WWOX: variants seen among roughly 807,000 people sequenced by gnomAD.
WWOX encodes the protein WW domain-containing oxidoreductase.
A neutral mutation model predicts 46.2 loss-of-function variants in WWOX; 69 were observed. That is an observed-to-expected ratio of 1.49 (90% confidence interval 1.23 to 1.82). WWOX has a LOEUF of 1.82. Among genes scored for constraint, WWOX ranks in the 40% most tolerant of loss-of-function variants. The pLI is 0.00. For synonymous variants in WWOX, 359 were observed against 202.6 expected (o/e 1.77, Z -6.56); for missense variants, 919 against 542.6 (o/e 1.69, Z -6.89).
At chr16:78,187,496 G>T (rs1241024410) in intron 5 of WWOX, among the ~76,000 whole-genome samples, 1 of 152,112 alleles carries the variant, frequency 6.6e-6, no homozygotes. Context: ...CCACCTACTT[G>T]GGAGGCTAAG....
At chr16:78,966,571 A>G (rs1028158118) in intron 8 of WWOX, among the ~76,000 whole-genome samples, 1 of 151,934 alleles carries the variant, frequency 6.6e-6, no homozygotes, top group Non-Finnish European at 1.5e-5. Flanking sequence ...AATTTTCCTT[A>G]CTATAAGTAA....
intron 8 of WWOX, among the ~76,000 whole-genome samples, chr16:78,951,273 G>A (rs1379177289): frequency 1.3e-5 from 2 of 152,158 alleles, no homozygotes; most frequent in Non-Finnish European, 2.9e-5. Flanking sequence ...TTGCAGACAT[G>A]GCCAGCATGC....
intron 5 of WWOX, among the ~76,000 whole-genome samples, chr16:78,338,934 C>G (rs2080952481): frequency 8.3e-6 from 1 of 120,892 alleles, no homozygotes; most frequent in South Asian, 2.4e-4. Flanking sequence ...TTCTTCATTT[C>G]TAACTCATTT....
rs182884675 is a variant in WWOX, at chr16:78,869,155, A to G, written c.1057-342453A>G. On this transcript the variant is annotated intron_variant, in intron 8 of 8. Transcript: ENST00000566780. The stretch of plus-strand genomic sequence containing the variant: ...CTAGTATATGTAATTAAAATTGTAT[A>G]TACGTTTTAGTCAACCATCAGCTGA... Among the ~76,000 whole-genome samples, 157 of 152,300 alleles carry G rather than the reference A, an allele frequency of 1.0e-3. 2 individuals carry two copies. The highest frequency in any genetic ancestry group is 1.8e-3 in the Admixed American group (28 of 15,300).
chr16:78,193,358 C>T (rs927907560), intron 5 of WWOX, among the ~76,000 whole-genome samples: 6 of 152,188 alleles, frequency 3.9e-5, no homozygotes, highest in African/African-American at 1.2e-4. Flanking sequence ...TGTTTTATCT[C>T]AAGCTCCCAG....
chr16:78,809,047 C>T (rs2051118339), intron 8 of WWOX, among the ~76,000 whole-genome samples: 3 of 152,082 alleles, frequency 2.0e-5, no homozygotes, highest in Non-Finnish European at 4.4e-5. Flanking sequence ...ATACCAACTG[C>T]AGCTAATGAG....
chr16:78,565,840 C>G (rs1267695550), intron 8 of WWOX, among the ~76,000 whole-genome samples: 1 of 152,162 alleles, frequency 6.6e-6, no homozygotes, highest in Non-Finnish European at 1.5e-5. Context: ...CCTTATGAAG[C>G]TGTCCCAGCT....
intron 8 of WWOX, chr16:79,090,175 G>T (rs372171696): frequency 2.6e-5 from 4 of 152,214 alleles, no homozygotes; most frequent in African/African-American, 2.4e-5. Flanking sequence ...GTTACTGGAA[G>T]GCCCATAAAA....
chr16:78,417,040 G>GGTGTGTGTGTGTGTGTGTGTGT (rs143606762), intron 6 of WWOX, among the ~76,000 whole-genome samples: 4,795 of 151,338 alleles, frequency 0.032, 199 homozygotes, highest in African/African-American at 0.092. Context: ...ACCCTTTGGG[G>GGTGTGTGTGTGTGTGTGTGTGT]GTGTGTGTGT....
intron 8 of WWOX, among the ~76,000 whole-genome samples, chr16:78,836,895 G>GT (rs1227207125): frequency 6.6e-6 from 1 of 152,118 alleles, no homozygotes; most frequent in South Asian, 2.1e-4. Context: ...TTGCGAAGAA[G>GT]TTTTTTCTTT....
chr16:78,501,837 C>A (rs2085077979), intron 8 of WWOX, among the ~76,000 whole-genome samples: 3 of 152,128 alleles, frequency 2.0e-5, no homozygotes. Context: ...ACTAGCGATG[C>A]CCTGGGCTAA....
At chr16:78,833,133 C>T (rs1420657233) in intron 8 of WWOX, among the ~76,000 whole-genome samples, 1 of 151,838 alleles carries the variant, frequency 6.6e-6, no homozygotes, top group Non-Finnish European at 1.5e-5. Flanking sequence ...CCTCCAACTC[C>T]TAGGCTCAAG....
intron 8 of WWOX, among the ~76,000 whole-genome samples, chr16:78,578,569 T>A (rs958816037): frequency 1.3e-5 from 2 of 151,896 alleles, no homozygotes; most frequent in Non-Finnish European, 2.9e-5. Context: ...ATTACAGGCG[T>A]GAGCCACCGC....
chr16:78,248,793 A>G (rs957306178), intron 5 of WWOX, among the ~76,000 whole-genome samples: 4 of 151,850 alleles, frequency 2.6e-5, no homozygotes, highest in African/African-American at 9.7e-5. Context: ...TTCAAACCAT[A>G]TCAATGTGAA....
intron 8 of WWOX, among the ~76,000 whole-genome samples, chr16:78,668,173 G>A (rs950312168): frequency 2.0e-5 from 3 of 152,194 alleles, no homozygotes; most frequent in Admixed American, 6.5e-5. Flanking sequence ...CCAGCTACTC[G>A]GGAGGCTGGG....
intron 5 of WWOX, among the ~76,000 whole-genome samples, chr16:78,180,472 C>T (rs551445751): frequency 3.3e-5 from 5 of 151,256 alleles, no homozygotes; most frequent in African/African-American, 4.9e-5. Flanking sequence ...CAGCTGCACC[C>T]GAGATATGGG....
chr16:78,709,174 G>A (rs945657786), intron 8 of WWOX, among the ~76,000 whole-genome samples: 1 of 152,214 alleles, frequency 6.6e-6, no homozygotes, highest in Non-Finnish European at 1.5e-5. Flanking sequence ...AAGAACTGGA[G>A]AGAGGGGTTC....
intron 6 of WWOX, among the ~76,000 whole-genome samples, chr16:78,395,105 C>A (rs751201732): frequency 6.6e-6 from 1 of 152,182 alleles, no homozygotes; most frequent in African/African-American, 2.4e-5. Flanking sequence ...GTAAAATGAT[C>A]TTAGAAAGGT....
chr16:78,378,754 G>C (rs193281434), intron 5 of WWOX, among the ~76,000 whole-genome samples: 1 of 152,282 alleles, frequency 6.6e-6, no homozygotes, highest in East Asian at 1.9e-4. Context: ...ATTAGAATTT[G>C]CAGGATGCCA....
Sources: allele counts gnomAD v4.1 joint callset (sites outside exome capture counted in the v4.1 genomes callset), GRCh38; gene constraint gnomAD v4.1.1; transcripts MANE v1.5; gene names NCBI Gene and HGNC (gene_info 2026-07-23, HGNC 2026-07-21).